Variants in TRIM66 observed in about 807,000 individuals in gnomAD.
TRIM66 encodes tripartite motif-containing protein 66.
In TRIM66, 99 loss-of-function variants were observed where a neutral mutation model predicts 148.2. That is an observed-to-expected ratio of 0.67 (90% CI 0.57 to 0.79). The LOEUF is 0.79. Ranked by LOEUF, TRIM66 falls within the 30% of genes least tolerant of loss-of-function variation. The pLI is 0.00. For missense variants in TRIM66, 1,666 were observed against 1,697.9 expected (o/e 0.98, Z 0.33); for synonymous variants, 616 against 635.9 (o/e 0.97, Z 0.47).
At chr11:8,677,160 A>G (rs937506346) in intron 3 of TRIM66, among the ~76,000 whole-genome samples, 1 of 152,244 alleles carries the variant, frequency 6.6e-6, no homozygotes, top group South Asian at 2.1e-4. Context: ...ACAAATTATC[A>G]TAAAAATAAC....
chr11:8,646,615 G>A, intron 10 of TRIM66, 54 bp from the exon 11 acceptor site: 2 of 1,404,910 alleles, frequency 1.4e-6, no homozygotes, highest in Non-Finnish European at 2.0e-6. Context: ...ACTATATGAA[G>A]ACGAAGAGAC....
rs1185901680 is a variant in TRIM66, at chr11:8,618,916, C to A, written c.3953G>T (p.Gly1318Val). 6.5e-7 allele frequency: 1 copy of A among 1,550,242 alleles called. No individual in the cohort carries two copies. Among genetic ancestry groups the A allele is most frequent in the African/African-American group, 1.4e-5 (1 of 72,580 alleles). ...CTCCGGGTAGATCTCCTTCAACCAG[C>A]CCTCAAAGAACACTTCCAGGCAGCG... ...AGRCLEVFFEGWLKEIYPEKR... is the reference protein window; with the variant it reads ...AGRCLEVFFEVWLKEIYPEKR... The change falls in exon 24 of 25, where the codon GGC becomes GTC. Residue 1318 changes from glycine (G) to valine (V), a missense_variant. Transcript: ENST00000646038.
At position 8,620,457 on chromosome 11, in the gene TRIM66, A is replaced by G; in HGVS notation, c.3661T>C (p.Tyr1221His). The G allele has an allele frequency of 1.3e-6, 2 of 1,551,736 alleles. No individual in the cohort carries two copies. Among genetic ancestry groups the G allele is most frequent in the South Asian group, 1.2e-5 (1 of 84,062 alleles). Reference protein sequence around the residue: ...GMRASPGLSMYDQKKCEKLVL... With the variant: ...GMRASPGLSMHDQKKCEKLVL... ...AGACTCCTCCCTACCTTCTGGTCATACATGCTTAGGCCAGGAGATGCCCGC... is the reference window on the plus strand; with the variant it reads ...AGACTCCTCCCTACCTTCTGGTCATGCATGCTTAGGCCAGGAGATGCCCGC... Residue 1221 changes from tyrosine (Y) to histidine (H), a missense_variant, in exon 21 of 25, where the codon TAT becomes CAT. By Grantham distance (83) the Tyr-to-His change is moderately conservative. Transcript: ENST00000646038.
At chr11:8,661,833 GCC>G (rs1338034915) in intron 6 of TRIM66, among the ~76,000 whole-genome samples, 1 of 152,080 alleles carries the variant, frequency 6.6e-6, no homozygotes, top group East Asian at 1.9e-4. Context: ...CAGACAAGAG[GCC>G]CCTCAAAGAT....
intron 1 of TRIM66, among the ~76,000 whole-genome samples, chr11:8,680,458 G>GT (rs1447943151): frequency 5.2e-5 from 1 of 19,140 alleles, no homozygotes; most frequent in Admixed American, 5.2e-4. Flanking sequence ...AATGAAGGCA[G>GT]GGCACTAAGG....
chr11:8,639,851 G>A (rs189368026), intron 14 of TRIM66, among the ~76,000 whole-genome samples: 48 of 152,298 alleles, frequency 3.2e-4, no homozygotes, highest in Non-Finnish European at 2.8e-4. Flanking sequence ...CATAAGGTCC[G>A]GCAAGGGAGC....
At position 8,618,861 on chromosome 11, in the gene TRIM66, G is replaced by C. The variant is rs1364857917; in HGVS notation, c.4008C>G (p.Asp1336Glu). ...EKRFAQPRQEDSDSEEVSSES... is the reference protein window; with the variant it reads ...EKRFAQPRQEESDSEEVSSES... Reference sequence around the variant, plus strand: ...CACTAGACACCTCCTCGGAGTCTGAGTCCTCCTGCCTTGGCTGGGCAAACC... The same window carrying C: ...CACTAGACACCTCCTCGGAGTCTGACTCCTCCTGCCTTGGCTGGGCAAACC... The change falls in exon 24 of 25, where the codon GAC becomes GAG. Residue 1336 changes from aspartate (D) to glutamate (E), a missense_variant. Asp to Glu is a conservative substitution (Grantham distance 45). Coordinates refer to ENST00000646038, the MANE Select transcript of TRIM66 (RefSeq NM_001388022.1). The C allele has an allele frequency of 6.4e-7, 1 of 1,551,450 alleles. No individual in the cohort carries two copies. The highest frequency in any genetic ancestry group is 1.4e-5 in the African/African-American group (1 of 73,106).
At chr11:8,683,080 C>T (rs574826919), upstream of TRIM66, 11 of 1,107,054 alleles carry the variant, frequency 9.9e-6, no homozygotes, top group Admixed American at 3.8e-5. Flanking sequence ...GTACCCTCAG[C>T]TTTCCCAAAC....
intron 6 of TRIM66, 78 bp from the exon 7 acceptor site, chr11:8,651,981 T>C (rs2037397581): frequency 1.7e-6 from 2 of 1,145,580 alleles, no homozygotes; most frequent in East Asian, 2.6e-5. Context: ...GGCTTTCTAA[T>C]ACACAACACC....
In TRIM66 at chr11:8,672,044, T is replaced by C. The variant is rs1382867750; in HGVS notation, c.82A>G (p.Lys28Glu). ...RCFSPEDISG[K>E]APVLGTGMAV... ...ATGCCTGTGCCCAGGACTGGGGCTT[T>C]TCCACTGATATCCTCAGGTGAGAAG... The change falls in exon 6 of 25, where the codon AAA (lysine) becomes GAA (glutamate). Residue 28 changes from lysine (K) to glutamate (E), a missense_variant. Physicochemically the swap from Lys to Glu is moderately conservative, Grantham distance 56. Transcript: ENST00000646038. The C allele has an allele frequency of 3.9e-6, 6 of 1,535,804 alleles. No homozygotes were observed. In the Admixed American group the frequency reaches 1.2e-4, roughly 30 times the overall value.
At chr11:8,671,677 C>T (rs775795134) in intron 6 of TRIM66, 109 bp downstream of exon 6, 5 of 637,984 alleles carry the variant, frequency 7.8e-6, no homozygotes, top group Non-Finnish European at 1.1e-5. Context: ...ATGAGTGTCC[C>T]TTGGGCATTT....
intron 6 of TRIM66, chr11:8,658,647 C>T: frequency 2.5e-6 from 1 of 392,280 alleles, no homozygotes; most frequent in Non-Finnish European, 3.5e-6. Flanking sequence ...GCTCACGCAG[C>T]AGCGGTGCCT....
At chr11:8,639,826 C>T (rs900633702) in intron 14 of TRIM66, among the ~76,000 whole-genome samples, 28 of 152,192 alleles carry the variant, frequency 1.8e-4, no homozygotes, top group African/African-American at 6.8e-4. Context: ...CTCTGCCCTC[C>T]CCCTGTCTGG....
rs2033656829 is a variant in TRIM66, at chr11:8,615,326, C to G, written c.*2618G>C. 1 of 152,164 alleles carries G rather than the reference C, an allele frequency of 6.6e-6. No individual in the cohort carries two copies. The highest frequency in any genetic ancestry group is 2.4e-5 in the African/African-American group (1 of 41,432). 9.4% of individuals were successfully genotyped at this position (152,164 alleles called of 1,614,324 possible). A position where few individuals can be genotyped will look rare whatever the true frequency, so the allele number is the denominator to read the frequency against. On this transcript the variant is annotated 3_prime_UTR_variant, in exon 25 of 25. Coordinates refer to ENST00000646038, the MANE Select transcript of TRIM66 (RefSeq NM_001388022.1). ...TTTACTGTCTTATTTCTCAGCATAC[C>G]CAAGAAGTCAATTTTTCCTCTAGGG... is the stretch of plus-strand genomic sequence containing the variant.
chr11:8,641,488 C>G (rs11605978), intron 13 of TRIM66, among the ~76,000 whole-genome samples: 44,602 of 152,020 alleles, frequency 0.29, 7,022 homozygotes, highest in Non-Finnish European at 0.37. Context: ...ATCAGACTCT[C>G]ACAAAAAGAA....
Position 8,617,916 on chromosome 11 carries a change from G to A in TRIM66, c.*28C>T, listed in dbSNP as rs574648291. The A allele has an allele frequency of 1.2e-4, 192 of 1,550,614 alleles. No homozygotes were observed. In the East Asian group the frequency reaches 4.4e-3, roughly 36 times the overall value. On this transcript the variant is annotated 3_prime_UTR_variant, in exon 25 of 25. Transcript: ENST00000646038. ...TGGTCGACAGTATGGGACAACAGCT[G>A]CCAGAGTGCCCAGTCTCCTTTTGGC...
At chr11:8,658,920 T>G in intron 6 of TRIM66, 1 of 486,672 alleles carries the variant, frequency 2.1e-6, no homozygotes, top group Non-Finnish European at 2.7e-6. Context: ...TGACCAATTG[T>G]CCGTCACAAG....
chr11:8,632,575 A>G (rs958111302), intron 15 of TRIM66, among the ~76,000 whole-genome samples: 2 of 149,304 alleles, frequency 1.3e-5, no homozygotes, highest in African/African-American at 4.9e-5. Context: ...CTCCTGCCTC[A>G]GCCTCCCAAG....
rs2034065594 is a variant in TRIM66, at chr11:8,620,125, C to G, written c.3673-1G>C. 1 of 1,551,566 alleles carries G rather than the reference C, an allele frequency of 6.4e-7. No homozygotes were observed. Among genetic ancestry groups the G allele is most frequent in the South Asian group, 1.2e-5 (1 of 84,060 alleles). ...AGGACAATACCAGCTTCTCACACTT[C>G]TGCAAAATCAGAATTGGCAACAGAG... On this transcript the variant is annotated splice_acceptor_variant, in intron 21 of 24. Transcript: ENST00000646038. LOFTEE classifies it high-confidence loss of function.
Sources: allele counts gnomAD v4.1 joint callset (sites outside exome capture counted in the v4.1 genomes callset), GRCh38; gene constraint gnomAD v4.1.1; transcripts MANE v1.5; gene names NCBI Gene and HGNC (gene_info 2026-07-23, HGNC 2026-07-21).